GSTO2: variants seen among roughly 807,000 people sequenced by gnomAD.
GSTO2 encodes glutathione S-transferase omega 2.
GSTO2 carries 23 observed loss-of-function variants against 28.4 expected under a neutral mutation model. The observed-to-expected ratio is 0.81, with a 90% CI of 0.58 to 1.15. GSTO2 has a LOEUF of 1.15. Ranked by LOEUF, GSTO2 falls within the 50% of genes most tolerant of loss-of-function variation. GSTO2 has a pLI of 0.00. For synonymous variants in GSTO2, 109 were observed against 111.0 expected, an observed-to-expected ratio of 0.98 and a Z score of 0.11; for missense variants, 298 against 297.8, an observed-to-expected ratio of 1.00 and a Z score of 0.00.
At position 104,282,239 on chromosome 10, in the gene GSTO2, A is replaced by AAAG. The variant is rs1554902049; in HGVS notation, c.468+2770_468+2771insGAA. On this transcript the variant is annotated intron_variant, in intron 5 of 6. Coordinates refer to ENST00000338595, the MANE Select transcript of GSTO2 (RefSeq NM_183239.2). ...AGACTCTGTTTCAAAAAAAAAAAAA[A>AAAG]AAAAGAAAAGAAAAGAAAAAGTATT... Among the ~76,000 whole-genome samples, 7 of 148,216 alleles carry AAAG rather than the reference A, an allele frequency of 4.7e-5. No homozygotes were observed. The South Asian group carries it at 8.4e-4, about 18-fold the overall frequency.
At position 104,277,997 on chromosome 10, in the gene GSTO2, A is replaced by G; in HGVS notation, c.247A>G (p.Ile83Val). Residue 83 changes from isoleucine (I) to valine (V), a missense_variant, in exon 4 of 7, where the codon ATC becomes GTC. Physicochemically the swap from Ile to Val is conservative, Grantham distance 29 (BLOSUM62 3). Transcript: ENST00000338595. ...CCTGGAGACCAGCCAATGTCAACTGATCTATGAATCTGTTATTGCTTGTGA... is the reference window on the plus strand; with the variant it reads ...CCTGGAGACCAGCCAATGTCAACTGGTCTATGAATCTGTTATTGCTTGTGA... ...PVLETSQCQLIYESVIACEYL... is the reference protein window; with the variant it reads ...PVLETSQCQLVYESVIACEYL... 1 of 1,613,930 alleles carries G rather than the reference A, an allele frequency of 6.2e-7. No homozygotes were observed. The highest frequency in any genetic ancestry group is 8.5e-7 in the Non-Finnish European group (1 of 1,179,838).
chr10:104,291,740 C>CT (rs1257908520), intron 5 of GSTO2: 4 of 152,230 alleles, frequency 2.6e-5, no homozygotes. Flanking sequence ...CAAGCAGTCC[C>CT]TTCCTCTTCA....
chr10:104,284,815 G>T (rs1039984101), intron 5 of GSTO2, among the ~76,000 whole-genome samples: 1 of 152,128 alleles, frequency 6.6e-6, no homozygotes, highest in Non-Finnish European at 1.5e-5. Flanking sequence ...AGGTGGATTT[G>T]GTCAGATTTC....
intron 6 of GSTO2, 49 bp from the exon 7 acceptor site, chr10:104,299,079 C>T (rs921356415): frequency 1.9e-5 from 29 of 1,497,134 alleles, no homozygotes; most frequent in Non-Finnish European, 2.6e-5. Flanking sequence ...CATCCCCTTT[C>T]CTGATGCCTA....
chr10:104,275,711 T>C (rs2011599768), intron 3 of GSTO2, among the ~76,000 whole-genome samples: 1 of 152,138 alleles, frequency 6.6e-6, no homozygotes, highest in Admixed American at 6.5e-5. Flanking sequence ...TTTCCTTTCT[T>C]TATTGAACTT....
intron 5 of GSTO2, among the ~76,000 whole-genome samples, chr10:104,282,032 C>G (rs1350534556): frequency 2.0e-5 from 3 of 151,914 alleles, no homozygotes; most frequent in African/African-American, 7.3e-5. Context: ...GCCTTTTCCA[C>G]TGTGCCCAGG....
intron 5 of GSTO2, chr10:104,296,359 A>G (rs2013022674): frequency 6.6e-6 from 1 of 152,134 alleles, no homozygotes; most frequent in African/African-American, 2.4e-5. Flanking sequence ...GCAGTGGCTC[A>G]CACCTGTATT....
At position 104,284,157 on chromosome 10, in the gene GSTO2, C is replaced by T. The variant is rs528624494; in HGVS notation, c.468+4686C>T. Among the ~76,000 whole-genome samples, 6 of 151,812 alleles carry T rather than the reference C, an allele frequency of 4.0e-5. No homozygotes were observed. The East Asian group carries it at 7.7e-4, about 20-fold the overall frequency. ...GGCAGATCATTTTAATCCAGGAGTC[C>T]GAGACAAGACTGTACAACATGGCAA... On this transcript the variant is annotated intron_variant, in intron 5 of 6. Transcript: ENST00000338595.
chr10:104,297,124 TC>T (rs2135148022), intron 5 of GSTO2: 1 of 153,158 alleles, frequency 6.5e-6, no homozygotes, highest in South Asian at 2.1e-4. Flanking sequence ...GAATGGGAGA[TC>T]CTGAGCGGGG....
At chr10:104,294,479 G>A (rs1258003313) in intron 5 of GSTO2, among the ~76,000 whole-genome samples, 1 of 152,210 alleles carries the variant, frequency 6.6e-6, no homozygotes, top group African/African-American at 2.4e-5. Flanking sequence ...AAAGGAGTGA[G>A]CACTTTGTGC....
chr10:104,299,433 A>T lies in GSTO2; in HGVS notation c.*149A>T, dbSNP rs2013193091. ...CAGGAAATGTATTCTTCTGATAATCATTTGTCTGACTCCTCTAGCCTGTAG... is the reference window on the plus strand; with the variant it reads ...CAGGAAATGTATTCTTCTGATAATCTTTTGTCTGACTCCTCTAGCCTGTAG... On this transcript the variant is annotated 3_prime_UTR_variant, in exon 7 of 7. Transcript: ENST00000338595. 8.7e-6 allele frequency: 8 copies of T among 919,082 alleles called. No homozygotes were observed. The highest frequency in any genetic ancestry group is 1.3e-5 in the Non-Finnish European group (8 of 605,888). The allele number at this position is 919,082 out of a possible 1,614,324, so 56.9% of individuals were successfully genotyped here.
At chr10:104,289,970 G>A (rs1033188553) in intron 5 of GSTO2, among the ~76,000 whole-genome samples, 5 of 152,144 alleles carry the variant, frequency 3.3e-5, no homozygotes, top group Admixed American at 1.3e-4. Context: ...GGGAACCCTC[G>A]TTCACTGGGG....
At chr10:104,289,091 T>C (rs1171258523) in intron 5 of GSTO2, among the ~76,000 whole-genome samples, 1 of 152,160 alleles carries the variant, frequency 6.6e-6, no homozygotes, top group East Asian at 1.9e-4. Flanking sequence ...TATTGTGATT[T>C]GTTTTAGTTT....
intron 3 of GSTO2, 145 bp from the exon 4 acceptor site, chr10:104,277,746 ATGT>A (rs557209516): frequency 4.0e-4 from 242 of 611,524 alleles, no homozygotes; most frequent in South Asian, 5.8e-4. Flanking sequence ...GAAGATGATG[ATGT>A]TATGTATTTT....
chr10:104,287,992 A>C (rs2012547970), intron 5 of GSTO2, among the ~76,000 whole-genome samples: 1 of 144,948 alleles, frequency 6.9e-6, no homozygotes, highest in African/African-American at 2.6e-5. Context: ...GGTTCATGCC[A>C]TTCTCCTGCC....
intron 5 of GSTO2, among the ~76,000 whole-genome samples, chr10:104,284,251 T>C (rs1054614687): frequency 6.6e-6 from 1 of 152,038 alleles, no homozygotes; most frequent in Non-Finnish European, 1.5e-5. Flanking sequence ...TCCCTGCTAC[T>C]TGGGAGGCTG....
intron 5 of GSTO2, among the ~76,000 whole-genome samples, chr10:104,279,841 T>C (rs1015874006): frequency 3.9e-5 from 6 of 152,092 alleles, no homozygotes; most frequent in African/African-American, 1.4e-4. Context: ...GTTTACTCTC[T>C]CACATAACAT....
At chr10:104,272,587 C>CTTTGTTTT (rs2011460258) in intron 1 of GSTO2, among the ~76,000 whole-genome samples, 1 of 49,280 alleles carries the variant, frequency 2.0e-5, no homozygotes, top group Non-Finnish European at 3.8e-5. Context: ...AGTTATGGGA[C>CTTTGTTTT]TTTTTTTTTT....
chr10:104,277,649 C>T (rs1303054925), intron 3 of GSTO2, among the ~76,000 whole-genome samples: 1 of 152,100 alleles, frequency 6.6e-6, no homozygotes, highest in Admixed American at 6.5e-5. Context: ...GTCTTCTTTC[C>T]TATGAGGTGA....
Sources: allele counts gnomAD v4.1 joint callset (sites outside exome capture counted in the v4.1 genomes callset), GRCh38; gene constraint gnomAD v4.1.1; transcripts MANE v1.5; gene names NCBI Gene and HGNC (gene_info 2026-07-23, HGNC 2026-07-21).